The following B3GLCT variants were observed in gnomAD, a reference collection of about 807,000 sequenced individuals.
B3GLCT encodes beta-1,3-glucosyltransferase.
Under a neutral mutation model 63.4 loss-of-function variants are expected in B3GLCT, and 65 were observed. That is an observed-to-expected ratio of 1.03 (90% confidence interval 0.84 to 1.26). The LOEUF (loss-of-function observed/expected upper bound fraction) is 1.26. B3GLCT is among the 50% of genes most tolerant of loss of function. The pLI, the probability that B3GLCT is intolerant of heterozygous loss-of-function variation, is 0.00. For missense variants in B3GLCT, 577 were observed against 604.8 expected (o/e 0.95, Z 0.48); for synonymous variants, 233 against 219.2 (o/e 1.06, Z -0.55).
At chr13:31,222,755 T>C (rs1869878517) in intron 2 of B3GLCT, among the ~76,000 whole-genome samples, 197 bp from the exon 3 acceptor site, 1 of 152,216 alleles carries the variant, frequency 6.6e-6, no homozygotes, top group African/African-American at 2.4e-5. Context: ...AAGTCTGTCA[T>C]GATACAGAAG....
chr13:31,247,867 A>G lies in B3GLCT; in HGVS notation c.360A>G (p.Thr120=), dbSNP rs1328829954. The G allele has an allele frequency of 6.3e-6, 10 of 1,584,546 alleles. No homozygotes were observed. Among genetic ancestry groups the G allele is most frequent in the Non-Finnish European group, 7.8e-6 (9 of 1,153,686 alleles). Residue 120 remains threonine (T), a synonymous_variant, in exon 6 of 15, where the codon ACA becomes ACG. Transcript: ENST00000343307. ...TTCTTTTGGTCAGTTTTTCTGTAAC[A>G]TATAGCAGAAATTCATCTTGGATTT... ...ILPLLPHFSV[T]YSRNSSWIFF... is the part of the protein sequence containing the mutation.
intron 4 of B3GLCT, among the ~76,000 whole-genome samples, chr13:31,238,889 G>A (rs772171172): frequency 1.6e-4 from 25 of 152,206 alleles, no homozygotes; most frequent in Non-Finnish European, 2.8e-4. Context: ...TGAGAATGAC[G>A]ATAACGTGTT....
rs1261871726 is a variant in B3GLCT, at chr13:31,200,764, C to T, written c.70+610C>T. On this transcript the variant is annotated intron_variant, in intron 1 of 14. Coordinates refer to ENST00000343307, the MANE Select transcript of B3GLCT (RefSeq NM_194318.4). ...GGCCCCTGAGGATAAGCGGCCAGCTCGGCGCCAGCCCTTCCCGGATTCCGA... is the reference window on the plus strand; with the variant it reads ...GGCCCCTGAGGATAAGCGGCCAGCTTGGCGCCAGCCCTTCCCGGATTCCGA... 4.6e-5 allele frequency among the ~76,000 whole-genome samples: 7 copies of T among 152,168 alleles called. No homozygotes were observed. In the East Asian group the frequency reaches 1.4e-3, roughly 30 times the overall value.
At chr13:31,329,447 C>T in intron 14 of B3GLCT, 54 bp from the exon 15 acceptor site, 1 of 1,601,886 alleles carries the variant, frequency 6.2e-7, no homozygotes, top group African/African-American at 1.3e-5. Flanking sequence ...TGCTCTTCTG[C>T]AGCAAAATTA....
In B3GLCT at chr13:31,251,588, C is replaced by T. The variant is rs556036827; in HGVS notation, c.459+3622C>T. Among the ~76,000 whole-genome samples the T allele has an allele frequency of 3.1e-4, 47 of 152,072 alleles. No individual in the cohort carries two copies. The South Asian group carries it at 3.1e-3, about 10-fold the overall frequency. ...TGAAGCATACCCAAGTACCAATAGC[C>T]GAATCGATCAAGTGGAAGAAAGGAT... On this transcript the variant is annotated intron_variant, in intron 6 of 14. Transcript: ENST00000343307.
At chr13:31,246,951 C>CTTTTTTTTTTTTTTTTTTTTTTT (rs66466340) in intron 4 of B3GLCT, 72 bp from the exon 5 acceptor site, 20 of 779,658 alleles carry the variant, frequency 2.6e-5, no homozygotes, top group East Asian at 1.2e-4. Context: ...CTTTTCTTTT[C>CTTTTTTTTTTTTTTTTTTTTTTT]TTTTTTTTTT....
intron 2 of B3GLCT, among the ~76,000 whole-genome samples, chr13:31,217,455 C>T (rs558522686): frequency 2.0e-5 from 3 of 152,218 alleles, no homozygotes; most frequent in East Asian, 3.9e-4. Flanking sequence ...TTTAATTAGG[C>T]CCACTGGTCA....
At chr13:31,275,940 A>G (rs1019945485) in intron 9 of B3GLCT, among the ~76,000 whole-genome samples, 15 of 152,174 alleles carry the variant, frequency 9.9e-5, no homozygotes, top group Admixed American at 1.3e-4. Context: ...GAGTGACATG[A>G]CAAAGCTGTA....
intron 8 of B3GLCT, among the ~76,000 whole-genome samples, chr13:31,274,250 C>T (rs1399877070): frequency 1.3e-5 from 2 of 152,208 alleles, no homozygotes; most frequent in East Asian, 1.9e-4. Flanking sequence ...TTTCCTAAAA[C>T]CGCATACTTC....
chr13:31,215,210 T>C (rs753021775), intron 2 of B3GLCT, 110 bp downstream of exon 2: 2 of 1,122,052 alleles, frequency 1.8e-6, no homozygotes, highest in Non-Finnish European at 2.6e-6. Flanking sequence ...TATTGTTACA[T>C]AATTCATATA....
In B3GLCT at chr13:31,247,955, G is replaced by A. The variant is rs1871268503; in HGVS notation, c.448G>A (p.Asp150Asn). 1 of 1,575,016 alleles carries A rather than the reference G, an allele frequency of 6.3e-7. No individual in the cohort carries two copies. The highest frequency in any genetic ancestry group is 1.1e-5 in the South Asian group (1 of 90,266). Residue 150 changes from aspartate (D) to asparagine (N), a missense_variant, in exon 6 of 15, where the codon GAC becomes AAC. Transcript: ENST00000343307. The stretch of plus-strand genomic sequence containing the variant: ...ACTCTTGGAAACCCTCAGAAGATAT[G>A]ACCCCTCTAAGGTGAATATAACTTC... Reference protein sequence around the residue: ...PKLLETLRRYDPSKEWFLGKA... With the variant: ...PKLLETLRRYNPSKEWFLGKA...
At position 31,329,566 on chromosome 13, in the gene B3GLCT, C is replaced by T. The variant is rs1414877714; in HGVS notation, c.1395C>T (p.His465=). The T allele has an allele frequency of 1.2e-6, 2 of 1,614,198 alleles. No individual in the cohort carries two copies. Among genetic ancestry groups the T allele is most frequent in the Non-Finnish European group, 1.7e-6 (2 of 1,180,028 alleles). ...SHQVPISFHK[H]WNIDPVKVYF... is the part of the protein sequence containing the mutation. ...AAGTTCCCATATCGTTCCACAAACA[C>T]TGGAACATCGATCCAGTGAAGGTGT... is the stretch of plus-strand genomic sequence containing the variant. Residue 465 remains histidine (H), a synonymous_variant, in exon 15 of 15, where the codon CAC becomes CAT. Coordinates refer to ENST00000343307, the MANE Select transcript of B3GLCT (RefSeq NM_194318.4).
intron 1 of B3GLCT, among the ~76,000 whole-genome samples, chr13:31,213,624 C>CCCCCCCCCCCCCCCCCCCA (rs1555244560): frequency 1.4e-5 from 1 of 73,024 alleles, no homozygotes; most frequent in Admixed American, 1.3e-4. Flanking sequence ...CCACCCCACC[C>CCCCCCCCCCCCCCCCCCCA]CCCCCCCCCG....
intron 11 of B3GLCT, among the ~76,000 whole-genome samples, chr13:31,285,889 CTATATT>C (rs1873306304): frequency 2.6e-5 from 4 of 151,970 alleles, no homozygotes; most frequent in South Asian, 2.1e-4. Flanking sequence ...GTCTTATTGT[CTATATT>C]TATATTTGTT....
In B3GLCT at chr13:31,330,417, A is replaced by G. The variant is rs1875857093; in HGVS notation, c.*749A>G. 1 of 152,208 alleles carries G rather than the reference A, an allele frequency of 6.6e-6. No individual in the cohort carries two copies. Among genetic ancestry groups the G allele is most frequent in the African/African-American group, 2.4e-5 (1 of 41,446 alleles). The allele number at this position is 152,208 out of a possible 1,614,324, so 9.4% of individuals were successfully genotyped here. On this transcript the variant is annotated 3_prime_UTR_variant, in exon 15 of 15. Coordinates refer to ENST00000343307, the MANE Select transcript of B3GLCT (RefSeq NM_194318.4). ...GGCTTACTTGTAACATGAAAGTAGT[A>G]GATGCTGCCAGAAAATAGTGTCCTC...
intron 13 of B3GLCT, among the ~76,000 whole-genome samples, chr13:31,319,644 T>C (rs575232909): frequency 6.6e-6 from 1 of 152,300 alleles, no homozygotes; most frequent in African/African-American, 2.4e-5. Context: ...GCATCTTTTC[T>C]AGTCCTCCTT....
intron 7 of B3GLCT, among the ~76,000 whole-genome samples, chr13:31,265,588 C>G (rs1872251789): frequency 6.6e-6 from 1 of 152,234 alleles, no homozygotes; most frequent in Non-Finnish European, 1.5e-5. Context: ...AATTCCACAT[C>G]AGTTTTGAGT....
rs1444208011 is a variant in B3GLCT, at chr13:31,331,192, T to C, written c.*1524T>C. On this transcript the variant is annotated 3_prime_UTR_variant, in exon 15 of 15. Transcript: ENST00000343307. ...CTTAGCTTTGTTCAGTCATTGTAAC[T>C]GGGATTGTTGTCATTGCTACCGTGG... The C allele has an allele frequency of 6.6e-6, 1 of 152,268 alleles. No individual in the cohort carries two copies. Among genetic ancestry groups the C allele is most frequent in the East Asian group, 1.9e-4 (1 of 5,198 alleles). 9.4% of individuals were successfully genotyped at this position (152,268 alleles called of 1,614,324 possible).
In B3GLCT at chr13:31,323,895, G is replaced by A. The variant is rs1333458346; in HGVS notation, c.1329G>A (p.Gln443=). 6.2e-7 allele frequency: 1 copy of A among 1,614,152 alleles called. No homozygotes were observed. Among genetic ancestry groups the A allele is most frequent in the Non-Finnish European group, 8.5e-7 (1 of 1,179,996 alleles). The part of the protein sequence containing the change: ...IPVTHSPLFH[Q]ARPVDYPKDY... Reference sequence around the variant, plus strand: ...TGACACACAGCCCTCTCTTCCATCAGGTGAGGAAATGGTTTTTATTCTTCC... The same window carrying A: ...TGACACACAGCCCTCTCTTCCATCAAGTGAGGAAATGGTTTTTATTCTTCC... The change falls in exon 14 of 15, where the codon CAG becomes CAA. Residue 443 remains glutamine, a splice_region_variant and synonymous_variant. Coordinates refer to ENST00000343307, the MANE Select transcript of B3GLCT (RefSeq NM_194318.4).
Sources: allele counts gnomAD v4.1 joint callset (sites outside exome capture counted in the v4.1 genomes callset), GRCh38; gene constraint gnomAD v4.1.1; transcripts MANE v1.5; gene names NCBI Gene and HGNC (gene_info 2026-07-23, HGNC 2026-07-21).